ATXN7L1: variants seen among roughly 807,000 people sequenced by gnomAD.
The protein encoded by ATXN7L1 is ataxin-7-like protein 1.
A neutral mutation model predicts 70.8 loss-of-function variants in ATXN7L1; 15 were observed. The observed-to-expected ratio is 0.21, with a 90% confidence interval of 0.14 to 0.33. The LOEUF (loss-of-function observed/expected upper bound fraction) is 0.33. Ranked by LOEUF, ATXN7L1 falls within the 10% of genes least tolerant of loss-of-function variation. The pLI is 1.00. For missense variants in ATXN7L1, 975 were observed against 1,097.1 expected (o/e 0.89, Z 1.57); for synonymous variants, 440 against 445.1 (o/e 0.99, Z 0.14).
intron 3 of ATXN7L1, among the ~76,000 whole-genome samples, chr7:105,773,982 C>T (rs2116446317): frequency 6.6e-6 from 1 of 152,272 alleles, no homozygotes; most frequent in Admixed American, 6.5e-5. Context: ...TTACAAGCCA[C>T]AGAGGAGGGC....
chr7:105,798,958 C>T lies in ATXN7L1; in HGVS notation c.251-10250G>A, dbSNP rs186475868. On this transcript the variant is annotated intron_variant, in intron 2 of 11. Coordinates refer to ENST00000419735, the MANE Select transcript of ATXN7L1 (RefSeq NM_020725.2). ...AAGACTAGAACAATGATGAGAAACG[C>T]AGTTCTCACTAGGTCTTCTATTACT... 6.6e-5 allele frequency among the ~76,000 whole-genome samples: 10 copies of T among 152,346 alleles called. No individual in the cohort carries two copies. The East Asian group carries it at 1.9e-3, about 29-fold the overall frequency.
chr7:105,648,648 C>CACAGTGCAGTCA (rs1371785150), intron 4 of ATXN7L1, among the ~76,000 whole-genome samples: 1 of 152,180 alleles, frequency 6.6e-6, no homozygotes. Flanking sequence ...ATGCTGCAGC[C>CACAGTGCAGTCA]ACAGTGCAGT....
intron 3 of ATXN7L1, among the ~76,000 whole-genome samples, chr7:105,729,808 G>A (rs1430137680): frequency 1.3e-5 from 2 of 149,724 alleles, no homozygotes; most frequent in Admixed American, 6.7e-5. Flanking sequence ...TGCGATCTCT[G>A]CTCACTGCAA....
chr7:105,730,408 C>A (rs1033705137), intron 3 of ATXN7L1, among the ~76,000 whole-genome samples: 4 of 151,378 alleles, frequency 2.6e-5, no homozygotes, highest in African/African-American at 9.7e-5. Context: ...AAAAAAAAAA[C>A]AAGGAAAGCC....
At chr7:105,737,684 T>C (rs912401520) in intron 3 of ATXN7L1, among the ~76,000 whole-genome samples, 3 of 152,094 alleles carry the variant, frequency 2.0e-5, no homozygotes, top group Non-Finnish European at 4.4e-5. Flanking sequence ...ATAAAATTAA[T>C]TGGAGGTGGG....
intron 2 of ATXN7L1, among the ~76,000 whole-genome samples, chr7:105,823,995 G>C (rs528685162): frequency 5.3e-4 from 81 of 152,284 alleles, no homozygotes; most frequent in African/African-American, 1.9e-3. Flanking sequence ...CCAGGGGACA[G>C]GAGGCATGGT....
intron 9 of ATXN7L1, among the ~76,000 whole-genome samples, chr7:105,619,140 G>GATTTTTTT (rs1794376106): frequency 2.0e-5 from 1 of 49,846 alleles, no homozygotes; most frequent in Non-Finnish European, 3.3e-5. Context: ...GAAATCTTTA[G>GATTTTTTT]TTTTTTTTTT....
chr7:105,795,753 C>T (rs555692382), intron 2 of ATXN7L1, among the ~76,000 whole-genome samples: 1 of 152,184 alleles, frequency 6.6e-6, no homozygotes, highest in South Asian at 2.1e-4. Context: ...ATAGAGAATC[C>T]CACGGTCGGA....
At chr7:105,838,809 G>C (rs540784031) in intron 2 of ATXN7L1, among the ~76,000 whole-genome samples, 101 of 152,200 alleles carry the variant, frequency 6.6e-4, no homozygotes, top group Non-Finnish European at 1.1e-3. Flanking sequence ...CAGGTCTCTA[G>C]GAGTCTAGGA....
intron 3 of ATXN7L1, among the ~76,000 whole-genome samples, chr7:105,719,567 G>T (rs1794947445): frequency 6.6e-6 from 1 of 152,128 alleles, no homozygotes; most frequent in African/African-American, 2.4e-5. Context: ...ATATCCCACA[G>T]CTTCCTCCTA....
chr7:105,791,089 G>C (rs1447639038), intron 2 of ATXN7L1, among the ~76,000 whole-genome samples: 1 of 152,244 alleles, frequency 6.6e-6, no homozygotes, highest in Non-Finnish European at 1.5e-5. Context: ...GGAACTGACA[G>C]GTTTATCATA....
chr7:105,692,016 T>C (rs1019702575), intron 3 of ATXN7L1, among the ~76,000 whole-genome samples: 1 of 152,194 alleles, frequency 6.6e-6, no homozygotes, highest in Admixed American at 6.5e-5. Flanking sequence ...CCAAAGCAAT[T>C]GGGTAACAAT....
intron 2 of ATXN7L1, among the ~76,000 whole-genome samples, chr7:105,799,625 G>A (rs998052111): frequency 6.6e-6 from 1 of 152,022 alleles, no homozygotes; most frequent in Non-Finnish European, 1.5e-5. Flanking sequence ...CCTATGGAAC[G>A]CCTTTAGTCA....
chr7:105,835,148 G>GTTTTTTT (rs779946678), intron 2 of ATXN7L1, among the ~76,000 whole-genome samples: 2 of 85,042 alleles, frequency 2.4e-5, no homozygotes, highest in African/African-American at 5.2e-5. Flanking sequence ...ATAAGTGTGT[G>GTTTTTTT]GTTTTTTTTT....
At chr7:105,730,446 C>T (rs1261251108) in intron 3 of ATXN7L1, among the ~76,000 whole-genome samples, 3 of 151,742 alleles carry the variant, frequency 2.0e-5, no homozygotes, top group African/African-American at 7.3e-5. Flanking sequence ...TAAGAGGAGG[C>T]TAAGGGCCAG....
At chr7:105,749,789 T>C (rs1687649316) in intron 3 of ATXN7L1, among the ~76,000 whole-genome samples, 1 of 151,876 alleles carries the variant, frequency 6.6e-6, no homozygotes, top group African/African-American at 2.4e-5. Flanking sequence ...AGGTAGGGTC[T>C]CCACTTCTTT....
chr7:105,661,476 C>T lies in ATXN7L1; in HGVS notation c.578+3590G>A, dbSNP rs78201757. Among the ~76,000 whole-genome samples, 653 of 152,216 alleles carry T rather than the reference C, an allele frequency of 4.3e-3. 6 individuals are homozygous for T. Among genetic ancestry groups the T allele is most frequent in the East Asian group, 0.036 (186 of 5,186 alleles). On this transcript the variant is annotated intron_variant, in intron 4 of 11. Transcript: ENST00000419735. The stretch of plus-strand genomic sequence containing the variant: ...GGAACTTTGTGAATTTTTGATAGGA[C>T]TGTGATATAGAATTTCAAAATATTC...
chr7:105,715,322 C>T (rs598764), intron 3 of ATXN7L1, among the ~76,000 whole-genome samples: 120,003 of 152,224 alleles, frequency 0.79, 48,368 homozygotes, highest in East Asian at 1. Flanking sequence ...CCAGAGTTCA[C>T]GTGGGCATCA....
rs989260369 is a variant in ATXN7L1, at chr7:105,849,261, G to T, written c.250+26551C>A. ...AGAAGGCTGGTCACCACACCAGGGC[G>T]TCACTCCTTGACAACACCACAACTG... On this transcript the variant is annotated intron_variant, in intron 2 of 11. Transcript: ENST00000419735. 2.6e-5 allele frequency among the ~76,000 whole-genome samples: 4 copies of T among 152,328 alleles called. No homozygotes were observed. In the South Asian group the frequency reaches 8.3e-4, roughly 32 times the overall value.
Sources: allele counts gnomAD v4.1 joint callset (sites outside exome capture counted in the v4.1 genomes callset), GRCh38; gene constraint gnomAD v4.1.1; transcripts MANE v1.5; gene names NCBI Gene and HGNC (gene_info 2026-07-23, HGNC 2026-07-21).